ACO1: variants seen among roughly 807,000 people sequenced by gnomAD.
ACO1 encodes the protein cytoplasmic aconitate hydratase.
ACO1 carries 78 observed loss-of-function variants against 105.1 expected under a neutral mutation model. The observed-to-expected ratio is 0.74, with a 90% CI of 0.62 to 0.90. The LOEUF (loss-of-function observed/expected upper bound fraction) is 0.90. Ranked by LOEUF, ACO1 falls within the 40% of genes least tolerant of loss-of-function variation. ACO1 has a pLI of 0.00. For synonymous variants in ACO1, 364 were observed against 397.4 expected (o/e 0.92, Z 1.00); for missense variants, 965 against 1,111.1 (o/e 0.87, Z 1.87).
At chr9:32,448,227 C>T (rs531394664) in intron 19 of ACO1, among the ~76,000 whole-genome samples, 9 of 152,238 alleles carry the variant, frequency 5.9e-5, no homozygotes, top group African/African-American at 2.2e-4. Context: ...GCCTTTTTTT[C>T]AGAGATGCCC....
intron 1 of ACO1, among the ~76,000 whole-genome samples, chr9:32,392,467 T>TG (rs1821285871): frequency 6.6e-6 from 1 of 152,222 alleles, no homozygotes; most frequent in Non-Finnish European, 1.5e-5. Context: ...GCTGAGCTTC[T>TG]GGGTGACCTG....
chr9:32,422,595 C>G (rs966219493), intron 8 of ACO1, among the ~76,000 whole-genome samples: 1 of 152,120 alleles, frequency 6.6e-6, no homozygotes, highest in Non-Finnish European at 1.5e-5. Flanking sequence ...TCTCCTACCC[C>G]GGGATCTTGA....
chr9:32,443,660 G>A (rs148620225), intron 19 of ACO1, among the ~76,000 whole-genome samples: 1,539 of 152,152 alleles, frequency 0.01, 19 homozygotes, highest in African/African-American at 0.027. Flanking sequence ...ATCATCCTTC[G>A]CTTTATAACG....
At chr9:32,435,916 G>A (rs1822345545) in intron 17 of ACO1, 2 of 412,206 alleles carry the variant, frequency 4.9e-6, no homozygotes, top group Non-Finnish European at 9.4e-6. Flanking sequence ...TTTTAATTTA[G>A]CTCTTTATCT....
intron 1 of ACO1, among the ~76,000 whole-genome samples, chr9:32,403,823 C>G (rs1231204194): frequency 6.6e-6 from 1 of 151,942 alleles, no homozygotes; most frequent in East Asian, 1.9e-4. Flanking sequence ...AGACTCTGGC[C>G]TCTGTTGAGA....
At position 32,420,951 on chromosome 9, in the gene ACO1, CAT is replaced by C. The variant is rs1309209242; in HGVS notation, c.895_896del (p.Met299ValfsTer14). The C allele has an allele frequency of 1.5e-5, 24 of 1,614,030 alleles. No homozygotes were observed. Among genetic ancestry groups the C allele is most frequent in the Middle Eastern group, 1.6e-4 (1 of 6,084 alleles). ...TTGCTGACCGAGCTACGATTGCTAA[CAT>C]GTGTCCAGAGTACGGAGCAACTGCT... Reference protein sequence around the residue: ...SIADRATIANMCPEYGATAAF... With the variant: ...SIADRATIANXCPEYGATAAF... On this transcript the variant is annotated frameshift_variant, in exon 8 of 21. Transcript: ENST00000309951. LOFTEE classifies it high-confidence loss of function.
At chr9:32,429,357 C>G (rs1028206122) in intron 12 of ACO1, 62 bp from the exon 13 acceptor site, 21 of 1,500,542 alleles carry the variant, frequency 1.4e-5, no homozygotes, top group Non-Finnish European at 1.9e-5. Flanking sequence ...CTGTGGCCAG[C>G]AGAAGGGCTC....
At chr9:32,411,238 G>T (rs1464407534) in intron 4 of ACO1, among the ~76,000 whole-genome samples, 3 of 152,104 alleles carry the variant, frequency 2.0e-5, no homozygotes, top group Non-Finnish European at 4.4e-5. Flanking sequence ...TTTTTAAGAG[G>T]CTATTATCTT....
intron 4 of ACO1, among the ~76,000 whole-genome samples, chr9:32,411,252 C>T (rs1821732724): frequency 6.6e-6 from 1 of 152,160 alleles, no homozygotes; most frequent in Non-Finnish European, 1.5e-5. Context: ...TTATCTTAAC[C>T]TAGAAGTATG....
rs147879556 is a variant in ACO1 at position 32,430,512 on chromosome 9, C to T, written c.1664C>T (p.Pro555Leu). 14 of 1,611,366 alleles carry T rather than the reference C, an allele frequency of 8.7e-6. No individual in the cohort carries two copies. The highest frequency in any genetic ancestry group is 5.5e-5 in the South Asian group (5 of 90,256). Residue 555 changes from proline (P) to leucine (L), a missense_variant, in exon 14 of 21, where the codon CCC becomes CTC. By Grantham distance (98) the Pro-to-Leu change is moderately conservative (BLOSUM62 -3). Coordinates refer to ENST00000309951, the MANE Select transcript of ACO1 (RefSeq NM_002197.3). The part of the protein sequence containing the change: ...NTRANYLASP[P>L]LVIAYAIAGT... ...CGGGCCAACTATTTAGCCTCTCCCC[C>T]CTTAGTAATAGCATATGCAATTGCT...
At chr9:32,447,212 G>A (rs992007826) in intron 19 of ACO1, among the ~76,000 whole-genome samples, 4 of 152,124 alleles carry the variant, frequency 2.6e-5, no homozygotes, top group Admixed American at 2.0e-4. Flanking sequence ...CCATTCAAAC[G>A]TAATTTGGTC....
At chr9:32,414,101 C>T (rs113979249) in intron 4 of ACO1, among the ~76,000 whole-genome samples, 20,788 of 151,902 alleles carry the variant, frequency 0.14, 1,847 homozygotes, top group South Asian at 0.29. Context: ...TGCAGTGAGC[C>T]GAGATTGCGC....
At chr9:32,433,230 G>A (rs939554720) in intron 15 of ACO1, among the ~76,000 whole-genome samples, 2 of 152,044 alleles carry the variant, frequency 1.3e-5, no homozygotes. Flanking sequence ...CGGTGCATAT[G>A]TATGTTGTTG....
chr9:32,399,379 A>G (rs1256486850), intron 1 of ACO1, among the ~76,000 whole-genome samples: 1 of 152,226 alleles, frequency 6.6e-6, no homozygotes. Context: ...AGAAGTACCA[A>G]GATTGGCTTT....
chr9:32,384,988 CTTAGCCTTG>C (rs1821126410), intron 1 of ACO1, among the ~76,000 whole-genome samples: 1 of 152,268 alleles, frequency 6.6e-6, no homozygotes, highest in Non-Finnish European at 1.5e-5. Flanking sequence ...CTAGACCCTT[CTTAGCCTTG>C]GCTGTGCGTG....
intron 10 of ACO1, 88 bp downstream of exon 10, chr9:32,424,753 G>C: frequency 1.2e-6 from 1 of 853,112 alleles, no homozygotes; most frequent in South Asian, 1.5e-5. Flanking sequence ...CACTTGACAT[G>C]AATCTTCCTG....
chr9:32,409,718 G>A (rs910141125), intron 4 of ACO1, among the ~76,000 whole-genome samples: 1 of 152,092 alleles, frequency 6.6e-6, no homozygotes, highest in Non-Finnish European at 1.5e-5. Context: ...GCCATGTGTG[G>A]TGGTGTGTGC....
intron 1 of ACO1, among the ~76,000 whole-genome samples, chr9:32,386,626 G>T (rs949667396): frequency 1.2e-4 from 19 of 152,228 alleles, no homozygotes; most frequent in African/African-American, 3.9e-4. Flanking sequence ...CGATACTTGA[G>T]AAATGTTGCA....
chr9:32,402,363 G>C (rs1464795120), intron 1 of ACO1, among the ~76,000 whole-genome samples: 1 of 152,190 alleles, frequency 6.6e-6, no homozygotes, highest in African/African-American at 2.4e-5. Flanking sequence ...TCTCCAAAAT[G>C]TCCACATTCA....
Sources: gnomAD v4.1 joint callset for allele counts (sites outside exome capture counted in the v4.1 genomes callset) on GRCh38, gnomAD v4.1.1 for gene constraint, MANE v1.5 for transcripts, NCBI Gene and HGNC (gene_info 2026-07-23, HGNC 2026-07-21) for gene names.